The following GPC5 variants were observed in gnomAD, a reference collection of about 807,000 sequenced individuals.
GPC5 encodes the protein glypican-5.
A neutral mutation model predicts 53.9 loss-of-function variants in GPC5; 47 were observed. The ratio of observed to expected loss-of-function variants is 0.87; its 90% confidence interval spans 0.69 to 1.11. GPC5 has a LOEUF of 1.11. Ranked by LOEUF, GPC5 falls within the 50% of genes most tolerant of loss-of-function variation. The pLI is 0.00. For synonymous variants in GPC5, 286 were observed against 263.3 expected (o/e 1.09, Z -0.84); for missense variants, 748 against 713.1 (o/e 1.05, Z -0.56).
At chr13:91,403,286 G>T (rs1877085134) in intron 1 of GPC5, among the ~76,000 whole-genome samples, 1 of 152,198 alleles carries the variant, frequency 6.6e-6, no homozygotes, top group African/African-American at 2.4e-5. Context: ...CATTTTGTTT[G>T]TTGCAGCAAG....
chr13:92,178,617 T>C (rs1329028927), intron 7 of GPC5, among the ~76,000 whole-genome samples: 1 of 152,150 alleles, frequency 6.6e-6, no homozygotes, highest in African/African-American at 2.4e-5. Flanking sequence ...CATTAATATA[T>C]GCTATTTTGC....
chr13:92,106,915 C>T (rs147535038), intron 6 of GPC5, among the ~76,000 whole-genome samples: 7 of 152,200 alleles, frequency 4.6e-5, no homozygotes, highest in Admixed American at 2.0e-4. Context: ...CTCACCATCA[C>T]GGGTTCTCTC....
chr13:91,931,483 A>G (rs72633735), intron 6 of GPC5, among the ~76,000 whole-genome samples: 9 of 152,002 alleles, frequency 5.9e-5, no homozygotes, highest in African/African-American at 2.2e-4. Flanking sequence ...CAGAAGCCCA[A>G]CGTCAGACAT....
chr13:91,991,703 A>G (rs2040458036), intron 6 of GPC5, among the ~76,000 whole-genome samples: 1 of 152,152 alleles, frequency 6.6e-6, no homozygotes, highest in Non-Finnish European at 1.5e-5. Context: ...TAGGAAACAT[A>G]CTGTAAATAA....
rs115039055 is a variant in GPC5, at chr13:91,400,806, A to G, written c.163+1597A>G. On this transcript the variant is annotated intron_variant, in intron 1 of 7. Transcript: ENST00000377067. ...CATTGATTGGGTGTTCATCTCTTTT[A>G]AAGATGAACTTTCCAGAGTATCAGT... Among the ~76,000 whole-genome samples the G allele has an allele frequency of 5.3e-3, 801 of 152,300 alleles. 12 individuals are homozygous for G. Among genetic ancestry groups the G allele is most frequent in the African/African-American group, 0.019 (779 of 41,550 alleles).
At chr13:91,844,959 C>T (rs1051785449) in intron 5 of GPC5, among the ~76,000 whole-genome samples, 3 of 152,134 alleles carry the variant, frequency 2.0e-5, no homozygotes, top group Non-Finnish European at 2.9e-5. Flanking sequence ...TCTGGAAACC[C>T]ATGTCTTTTA....
chr13:91,513,078 G>A (rs559379282), intron 2 of GPC5, among the ~76,000 whole-genome samples: 4 of 152,266 alleles, frequency 2.6e-5, no homozygotes, highest in East Asian at 1.9e-4. Flanking sequence ...ATAGGTAAAC[G>A]TGTGCCATGG....
intron 4 of GPC5, among the ~76,000 whole-genome samples, chr13:91,739,253 G>T (rs988191677): frequency 2.6e-5 from 4 of 151,294 alleles, no homozygotes; most frequent in Admixed American, 2.6e-4. Flanking sequence ...TGTGGGTGCT[G>T]CTGTTGGCCC....
chr13:92,684,113 C>T (rs66787126), intron 7 of GPC5, among the ~76,000 whole-genome samples: 10,871 of 152,078 alleles, frequency 0.071, 798 homozygotes, highest in East Asian at 0.31. Context: ...AATGACTGAT[C>T]TTCTTACTGT....
At chr13:91,430,030 C>T (rs547874625) in intron 1 of GPC5, among the ~76,000 whole-genome samples, 2 of 152,226 alleles carry the variant, frequency 1.3e-5, no homozygotes, top group South Asian at 4.2e-4. Flanking sequence ...AGGGAACAGG[C>T]CAAAATGCTA....
rs184942336 is a variant in GPC5 at position 92,115,334 on chromosome 13, G to A, written c.1402-29496G>A. Among the ~76,000 whole-genome samples, 478 of 152,178 alleles carry A rather than the reference G, an allele frequency of 3.1e-3. 1 individual carries two copies. The highest frequency in any genetic ancestry group is 0.011 in the African/African-American group (451 of 41,528). Reference sequence around the variant, plus strand: ...CCATTCTGGCCAACATGGAGAAAGCGCATCTCTACTAAAAATACAAAATTA... The same window carrying A: ...CCATTCTGGCCAACATGGAGAAAGCACATCTCTACTAAAAATACAAAATTA... On this transcript the variant is annotated intron_variant, in intron 6 of 7. Coordinates refer to ENST00000377067, the MANE Select transcript of GPC5 (RefSeq NM_004466.6).
At chr13:92,853,438 G>A (rs1248101783) in intron 7 of GPC5, among the ~76,000 whole-genome samples, 1 of 152,006 alleles carries the variant, frequency 6.6e-6, no homozygotes, top group Non-Finnish European at 1.5e-5. Context: ...GGATATATAG[G>A]GTTTGTCACT....
chr13:92,134,628 C>G (rs547152868), intron 6 of GPC5, among the ~76,000 whole-genome samples: 1 of 151,962 alleles, frequency 6.6e-6, no homozygotes, highest in Non-Finnish European at 1.5e-5. Flanking sequence ...CTTAGAATGC[C>G]CCTGGATTTC....
At chr13:92,510,190 T>A (rs1387919925) in intron 7 of GPC5, 1 of 135,640 alleles carries the variant, frequency 7.4e-6, no homozygotes, top group Admixed American at 8.3e-5. Context: ...TAATGTTTTT[T>A]CCTCTTTTGC....
chr13:91,753,574 C>T (rs1371453357), intron 4 of GPC5, among the ~76,000 whole-genome samples: 1 of 152,166 alleles, frequency 6.6e-6, no homozygotes. Flanking sequence ...CAAGTTGCTG[C>T]CATGATGATG....
At chr13:92,650,995 T>C (rs1885939773) in intron 7 of GPC5, among the ~76,000 whole-genome samples, 1 of 151,956 alleles carries the variant, frequency 6.6e-6, no homozygotes, top group African/African-American at 2.4e-5. Flanking sequence ...AGTGAGAACA[T>C]GTGGTGTTTG....
At chr13:92,255,931 T>G (rs2042723258) in intron 7 of GPC5, among the ~76,000 whole-genome samples, 1 of 152,160 alleles carries the variant, frequency 6.6e-6, no homozygotes, top group Non-Finnish European at 1.5e-5. Context: ...TAAATGAATT[T>G]CTTTGTATAC....
Position 91,674,220 on chromosome 13 carries a change from C to T in GPC5, c.326-18967C>T, listed in dbSNP as rs115977949. Among the ~76,000 whole-genome samples the T allele has an allele frequency of 5.0e-3, 760 of 152,074 alleles. 9 individuals are homozygous for T. Among genetic ancestry groups the T allele is most frequent in the African/African-American group, 0.017 (723 of 41,478 alleles). Reference sequence around the variant, plus strand: ...TCCCGGTGTTTGGATAAGATTATTTCTGGGTGTGTCTTTGAAGGCGTTTCT... The same window carrying T: ...TCCCGGTGTTTGGATAAGATTATTTTTGGGTGTGTCTTTGAAGGCGTTTCT... On this transcript the variant is annotated intron_variant, in intron 2 of 7. Coordinates refer to ENST00000377067, the MANE Select transcript of GPC5 (RefSeq NM_004466.6).
At chr13:92,341,088 A>AC (rs1472022710) in intron 7 of GPC5, among the ~76,000 whole-genome samples, 1 of 152,142 alleles carries the variant, frequency 6.6e-6, no homozygotes, top group Non-Finnish European at 1.5e-5. Flanking sequence ...GAAAATAATG[A>AC]TTTTTATTTT....
Sources: allele counts gnomAD v4.1 joint callset (sites outside exome capture counted in the v4.1 genomes callset), GRCh38; gene constraint gnomAD v4.1.1; transcripts MANE v1.5; gene names NCBI Gene and HGNC (gene_info 2026-07-23, HGNC 2026-07-21).